The following FUT2 variants were observed in gnomAD, a reference collection of about 807,000 sequenced individuals.
FUT2 encodes galactoside alpha-(1,2)-fucosyltransferase 2.
For missense variants in FUT2, 419 were observed against 465.8 expected, an observed-to-expected ratio of 0.90 and a Z score of 0.93; for synonymous variants, 182 against 193.1, an observed-to-expected ratio of 0.94 and a Z score of 0.48.
In FUT2 at chr19:48,703,781, T is replaced by G; in HGVS notation, c.825T>G (p.Phe275Leu). The part of the protein sequence containing the change: ...DGIEGSPAKD[F>L]ALLTQCNHTI... ...TTGAGGGCTCACCTGCCAAAGATTT[T>G]GCTCTACTCACACAGTGTAACCACA... The change falls in exon 2 of 2, where the codon TTT becomes TTG. Residue 275 changes from phenylalanine (F) to leucine (L), a missense_variant. Coordinates refer to ENST00000425340, the MANE Select transcript of FUT2 (RefSeq NM_000511.6). 1 of 1,613,616 alleles carries G rather than the reference T, an allele frequency of 6.2e-7. No individual in the cohort carries two copies. Among genetic ancestry groups the G allele is most frequent in the African/African-American group, 1.3e-5 (1 of 75,034 alleles).
Position 48,705,100 on chromosome 19 carries a change from C to CTTTTTTTT in FUT2, c.*1117_*1118insTTTTTTTT, listed in dbSNP as rs1568463036. ...CCCAGAGAGCTCACTGTTTTCTTTTCTTTTTCTTTTCTTTTTTTTTTTTTT... is the reference window on the plus strand; with the variant it reads ...CCCAGAGAGCTCACTGTTTTCTTTTCTTTTTTTTTTTTTCTTTTCTTTTTTTTTTTTTT... On this transcript the variant is annotated 3_prime_UTR_variant, in exon 2 of 2. Coordinates refer to ENST00000425340, the MANE Select transcript of FUT2 (RefSeq NM_000511.6). 3 of 174,914 alleles carry CTTTTTTTT rather than the reference C, an allele frequency of 1.7e-5. No individual in the cohort carries two copies. Among genetic ancestry groups the CTTTTTTTT allele is most frequent in the African/African-American group, 1.4e-4 (3 of 21,844 alleles). The allele number at this position is 174,914 out of a possible 1,614,324, so 10.8% of individuals were successfully genotyped here.
In FUT2 at chr19:48,703,997, C is replaced by T. The variant is rs1364065883; in HGVS notation, c.*9C>T. The T allele has an allele frequency of 3.7e-6, 6 of 1,611,916 alleles. No individual in the cohort carries two copies. Among genetic ancestry groups the T allele is most frequent in the African/African-American group, 2.7e-5 (2 of 74,890 alleles). ...CCTTACTCAAGCACTAATGCTGGCC[C>T]ATTCTTTGAGACCTTTTCTCCTTCT... is the stretch of plus-strand genomic sequence containing the variant. On this transcript the variant is annotated 3_prime_UTR_variant, in exon 2 of 2. Coordinates refer to ENST00000425340, the MANE Select transcript of FUT2 (RefSeq NM_000511.6).
In FUT2 at chr19:48,703,899, C is replaced by G. The variant is rs1045864490; in HGVS notation, c.943C>G (p.Pro315Ala). The part of the protein sequence containing the change: ...YLANYTLPDS[P>A]FLKIFKPEAA... The stretch of plus-strand genomic sequence containing the variant: ...GGCCAATTACACCCTCCCCGACTCC[C>G]CTTTCCTCAAAATCTTTAAGCCAGA... Residue 315 changes from proline (P) to alanine (A), a missense_variant, in exon 2 of 2, where the codon CCT becomes GCT. Physicochemically the swap from Pro to Ala is conservative, Grantham distance 27. Transcript: ENST00000425340. 6.2e-7 allele frequency: 1 copy of G among 1,613,666 alleles called. No individual in the cohort carries two copies. The highest frequency in any genetic ancestry group is 8.5e-7 in the Non-Finnish European group (1 of 1,180,036).
rs569970 is a variant in FUT2, at chr19:48,704,461, T to C, written c.*473T>C. 168,580 of 377,530 alleles carry C rather than the reference T, an allele frequency of 0.45. 44,684 individuals are homozygous for C. Among genetic ancestry groups the C allele is most frequent in the African/African-American group, 0.58 (26,891 of 46,262 alleles). The allele number at this position is 377,530 out of a possible 1,614,324, so 23.4% of individuals were successfully genotyped here. A position where few individuals can be genotyped will look rare whatever the true frequency, so the allele number is the denominator to read the frequency against. ...AAAAAAGAAAAGAAAAAGAAATGAATGGGTTCAAAGACCATAATCATGCAT... is the reference window on the plus strand; with the variant it reads ...AAAAAAGAAAAGAAAAAGAAATGAACGGGTTCAAAGACCATAATCATGCAT... On this transcript the variant is annotated 3_prime_UTR_variant, in exon 2 of 2. Transcript: ENST00000425340.
Position 48,704,664 on chromosome 19 carries a change from T to G in FUT2, c.*676T>G, listed in dbSNP as rs964974467. The G allele has an allele frequency of 2.4e-6, 1 of 414,074 alleles. No individual in the cohort carries two copies. 25.6% of individuals were successfully genotyped at this position (414,074 alleles called of 1,614,324 possible). A position where few individuals can be genotyped will look rare whatever the true frequency, so the allele number is the denominator to read the frequency against. On this transcript the variant is annotated 3_prime_UTR_variant, in exon 2 of 2. Coordinates refer to ENST00000425340, the MANE Select transcript of FUT2 (RefSeq NM_000511.6). ...CCAGCCATCACATGCAGATAATTCC[T>G]TTCAAAAACAGCAGAAAGAGGCTCG...
intron 1 of FUT2, among the ~76,000 whole-genome samples, chr19:48,701,754 C>T (rs1455649414): frequency 6.6e-6 from 1 of 151,776 alleles, no homozygotes; most frequent in Admixed American, 6.6e-5. Flanking sequence ...CAGCACTTTG[C>T]GAGGCTGAGG....
chr19:48,704,824 G>A lies in FUT2; in HGVS notation c.*836G>A, dbSNP rs1182634183. ...GGAGGCAAAAGAAATGAGACTTCTG[G>A]GATTAGTTTAGCCTCAGATTCTGCA... On this transcript the variant is annotated 3_prime_UTR_variant, in exon 2 of 2. Transcript: ENST00000425340. The A allele has an allele frequency of 1.2e-5, 5 of 413,172 alleles. No individual in the cohort carries two copies. The highest frequency in any genetic ancestry group is 2.2e-5 in the Non-Finnish European group (5 of 226,160). 25.6% of individuals were successfully genotyped at this position (413,172 alleles called of 1,614,324 possible).
In FUT2 at chr19:48,705,106, CTTTTCTT is replaced by C. The variant is rs2032614817; in HGVS notation, c.*1123_*1129del. 4 of 188,952 alleles carry C rather than the reference CTTTTCTT, an allele frequency of 2.1e-5. No homozygotes were observed. The highest frequency in any genetic ancestry group is 3.3e-5 in the African/African-American group (1 of 29,890). The allele number at this position is 188,952 out of a possible 1,614,324, so 11.7% of individuals were successfully genotyped here. ...GAGCTCACTGTTTTCTTTTCTTTTT[CTTTTCTT>C]TTTTTTTTTTTTTTTGAGATGGAGT... is the stretch of plus-strand genomic sequence containing the variant. On this transcript the variant is annotated 3_prime_UTR_variant, in exon 2 of 2. Coordinates refer to ENST00000425340, the MANE Select transcript of FUT2 (RefSeq NM_000511.6).
chr19:48,701,273 A>T (rs528782184), intron 1 of FUT2, among the ~76,000 whole-genome samples: 1 of 151,560 alleles, frequency 6.6e-6, no homozygotes, highest in Non-Finnish European at 1.5e-5. Flanking sequence ...CAGCCTCCCG[A>T]GTTCAAGCAA....
Position 48,703,611 on chromosome 19 carries a change from G to T in FUT2, c.655G>T (p.Asp219Tyr). 1.2e-6 allele frequency: 2 copies of T among 1,613,454 alleles called. No individual in the cohort carries two copies. Among genetic ancestry groups the T allele is most frequent in the Non-Finnish European group, 8.5e-7 (1 of 1,180,008 alleles). ...AAAAGTGTGGAAGGGGGTGGTGGCC[G>T]ACCGGCGATACCTACAGCAGGCCCT... The part of the protein sequence containing the change: ...MPKVWKGVVA[D>Y]RRYLQQALDW... The change falls in exon 2 of 2, where the codon GAC becomes TAC. Residue 219 changes from aspartate to tyrosine, a missense_variant. Asp to Tyr is a radical substitution (Grantham distance 160, BLOSUM62 -3). Transcript: ENST00000425340.
intron 1 of FUT2, among the ~76,000 whole-genome samples, chr19:48,701,212 T>A (rs2032510694): frequency 6.6e-6 from 1 of 151,996 alleles, no homozygotes; most frequent in Non-Finnish European, 1.5e-5. Flanking sequence ...AGTGGCATGA[T>A]CTTGGCTCAC....
rs774329780 is a variant in FUT2, at chr19:48,703,735, T to C, written c.779T>C (p.Val260Ala). Residue 260 changes from valine to alanine, a missense_variant, in exon 2 of 2, where the codon GTG (valine) becomes GCG (alanine). Transcript: ENST00000425340. Reference protein sequence around the residue: ...RENIDTSHGDVVFAGDGIEGS... With the variant: ...RENIDTSHGDAVFAGDGIEGS... ...AACATTGACACCTCCCACGGTGATG[T>C]GGTGTTTGCTGGCGATGGCATTGAG... is the stretch of plus-strand genomic sequence containing the variant. 6.2e-7 allele frequency: 1 copy of C among 1,613,318 alleles called. No individual in the cohort carries two copies.
chr19:48,697,220 C>T (rs2032428247), intron 1 of FUT2, among the ~76,000 whole-genome samples: 1 of 151,802 alleles, frequency 6.6e-6, no homozygotes, highest in South Asian at 2.1e-4. Context: ...TGGTGCATGC[C>T]TGTAATCCCA....
At chr19:48,701,370 G>A (rs1280166210) in intron 1 of FUT2, among the ~76,000 whole-genome samples, 1 of 151,874 alleles carries the variant, frequency 6.6e-6, no homozygotes, top group Non-Finnish European at 1.5e-5. Context: ...GTAGAGACAG[G>A]GCCTTGTCAT....
intron 1 of FUT2, among the ~76,000 whole-genome samples, chr19:48,701,780 G>C (rs1054347326): frequency 1.3e-5 from 2 of 151,880 alleles, no homozygotes; most frequent in African/African-American, 4.8e-5. Flanking sequence ...AGATCACGAG[G>C]TCAGGAGTTC....
At chr19:48,696,162 G>T in intron 1 of FUT2, 73 bp downstream of exon 1, 1 of 152,536 alleles carries the variant, frequency 6.6e-6, no homozygotes. Flanking sequence ...GCAGGGATTT[G>T]GGACGTGGAC....
chr19:48,700,478 C>T (rs1375271769), intron 1 of FUT2, among the ~76,000 whole-genome samples: 1 of 151,918 alleles, frequency 6.6e-6, no homozygotes, highest in African/African-American at 2.4e-5. Context: ...AGGCGCCCAC[C>T]ACCACACCCG....
At chr19:48,700,469 G>A (rs1007174545) in intron 1 of FUT2, among the ~76,000 whole-genome samples, 7 of 151,724 alleles carry the variant, frequency 4.6e-5, no homozygotes, top group Non-Finnish European at 7.4e-5. Flanking sequence ...TGGGACTATA[G>A]GCGCCCACCA....
intron 1 of FUT2, among the ~76,000 whole-genome samples, chr19:48,701,988 C>T (rs78025361): frequency 6.7e-6 from 1 of 149,170 alleles, no homozygotes; most frequent in Admixed American, 6.7e-5. Flanking sequence ...GATTCCATTT[C>T]AAAAAAAAAG....
Sources: allele counts gnomAD v4.1 joint callset (sites outside exome capture counted in the v4.1 genomes callset), GRCh38; gene constraint gnomAD v4.1.1; transcripts MANE v1.5; gene names NCBI Gene and HGNC (gene_info 2026-07-23, HGNC 2026-07-21).